ITGB3BP: variants seen among roughly 807,000 people sequenced by gnomAD.
ITGB3BP encodes the protein integrin subunit beta 3 binding protein, also known as centromere protein R.
A neutral mutation model predicts 29.1 loss-of-function variants in ITGB3BP; 27 were observed. The ratio of observed to expected loss-of-function variants is 0.93; its 90% CI spans 0.68 to 1.28. ITGB3BP has a LOEUF of 1.28. ITGB3BP is among the 50% of genes most tolerant of loss of function. The pLI is 0.00. For synonymous variants in ITGB3BP, 61 were observed against 61.4 expected, an observed-to-expected ratio of 0.99 and a Z score of 0.03; for missense variants, 192 against 200.2, an observed-to-expected ratio of 0.96 and a Z score of 0.25.
At chr1:63,504,680 C>T (rs1194196769) in intron 2 of ITGB3BP, among the ~76,000 whole-genome samples, 8 of 152,092 alleles carry the variant, frequency 5.3e-5, no homozygotes, top group Non-Finnish European at 8.8e-5. Flanking sequence ...TTTTGAGATA[C>T]GTCCCATCGA....
chr1:63,504,425 G>T (rs1180437665), intron 2 of ITGB3BP, among the ~76,000 whole-genome samples: 3 of 151,904 alleles, frequency 2.0e-5, no homozygotes, highest in Non-Finnish European at 2.9e-5. Flanking sequence ...AGACGATGGG[G>T]TTTTCTAGAT....
At chr1:63,509,618 A>G (rs1646154509) in intron 1 of ITGB3BP, among the ~76,000 whole-genome samples, 1 of 152,184 alleles carries the variant, frequency 6.6e-6, no homozygotes. Context: ...CAGTAAATAT[A>G]CAGTACAGAA....
intron 1 of ITGB3BP, among the ~76,000 whole-genome samples, chr1:63,522,017 T>G (rs1646460982): frequency 6.6e-6 from 1 of 152,224 alleles, no homozygotes; most frequent in South Asian, 2.1e-4. Context: ...CTTTGCTTAA[T>G]TCTGGGGAAA....
At chr1:63,484,486 TATA>T (rs989906832) in intron 3 of ITGB3BP, among the ~76,000 whole-genome samples, 5 of 152,164 alleles carry the variant, frequency 3.3e-5, no homozygotes, top group Non-Finnish European at 7.4e-5. Context: ...TACTTTCCAT[TATA>T]ATTTTTCTGA....
chr1:63,519,032 A>G (rs1646395074), intron 1 of ITGB3BP, among the ~76,000 whole-genome samples: 1 of 152,130 alleles, frequency 6.6e-6, no homozygotes, highest in Non-Finnish European at 1.5e-5. Flanking sequence ...GGTATCATAT[A>G]TATTATGTCT....
intron 8 of ITGB3BP, among the ~76,000 whole-genome samples, chr1:63,442,321 C>T (rs1366766700): frequency 2.6e-5 from 4 of 152,188 alleles, no homozygotes; most frequent in Non-Finnish European, 5.9e-5. Context: ...AGTAACATTA[C>T]ACAAATTCTT....
Position 63,453,922 on chromosome 1 carries a change from G to T in ITGB3BP, c.480C>A (p.His160Gln). ...KLFEKSTGLP[H>Q]KASRHLDSYE... Reference sequence around the variant, plus strand: ...AACTAAAACACAACTACTTACCTTTGTGAGGAAGTCCTGTACTCTTTTCAA... The same window carrying T: ...AACTAAAACACAACTACTTACCTTTTTGAGGAAGTCCTGTACTCTTTTCAA... Residue 160 changes from histidine (H) to glutamine (Q), a missense_variant, in exon 7 of 9, where the codon CAC becomes CAA. His to Gln is a conservative substitution (Grantham distance 24). Coordinates refer to ENST00000271002, the MANE Select transcript of ITGB3BP (RefSeq NM_014288.5). 6.4e-7 allele frequency: 1 copy of T among 1,574,014 alleles called. No individual in the cohort carries two copies. The highest frequency in any genetic ancestry group is 8.7e-7 in the Non-Finnish European group (1 of 1,149,824).
At chr1:63,513,188 T>C (rs1234629900) in intron 1 of ITGB3BP, among the ~76,000 whole-genome samples, 1 of 152,242 alleles carries the variant, frequency 6.6e-6, no homozygotes, top group Non-Finnish European at 1.5e-5. Context: ...AAAGAGCCAC[T>C]AATGATCATT....
At chr1:63,452,624 CTTTTCTTTCT>C (rs1644876673) in intron 7 of ITGB3BP, among the ~76,000 whole-genome samples, 1 of 52,096 alleles carries the variant, frequency 1.9e-5, no homozygotes, top group Admixed American at 3.5e-4. Context: ...TTTTCTTTTT[CTTTTCTTTCT>C]TTTTTTTTTT....
At chr1:63,464,532 C>T (rs955427850) in intron 4 of ITGB3BP, among the ~76,000 whole-genome samples, 1 of 152,058 alleles carries the variant, frequency 6.6e-6, no homozygotes, top group Non-Finnish European at 1.5e-5. Context: ...AGAAGGTCAA[C>T]TAATAAATAT....
chr1:63,527,928 T>G (rs1178612636), upstream of ITGB3BP: 1 of 152,174 alleles, frequency 6.6e-6, no homozygotes. Context: ...CATGTGGACT[T>G]CAAATGCTGG....
At chr1:63,521,199 A>C (rs1431609219) in intron 1 of ITGB3BP, among the ~76,000 whole-genome samples, 3 of 152,026 alleles carry the variant, frequency 2.0e-5, no homozygotes, top group African/African-American at 4.8e-5. Flanking sequence ...CCACCTGCAT[A>C]TGTAACTTGC....
At chr1:63,493,092 G>A (rs79324597) in intron 2 of ITGB3BP, among the ~76,000 whole-genome samples, 1,319 of 55,758 alleles carry the variant, frequency 0.024, 9 homozygotes, top group African/African-American at 0.028. Context: ...ACACACACGC[G>A]CGCGCGCGCA....
intron 2 of ITGB3BP, among the ~76,000 whole-genome samples, chr1:63,504,121 A>G (rs1182148031): frequency 2.2e-4 from 34 of 151,498 alleles, no homozygotes; most frequent in Admixed American, 2.0e-3. Flanking sequence ...CCATTTTCAC[A>G]ATATTGATTC....
At chr1:63,449,591 G>A (rs1288965255) in intron 7 of ITGB3BP, 3 of 152,694 alleles carry the variant, frequency 2.0e-5, no homozygotes, top group African/African-American at 7.2e-5. Flanking sequence ...ATTATTAATA[G>A]GAAAGGTTAT....
intron 2 of ITGB3BP, among the ~76,000 whole-genome samples, chr1:63,504,314 T>C (rs1035841224): frequency 6.6e-6 from 1 of 151,950 alleles, no homozygotes; most frequent in Non-Finnish European, 1.5e-5. Flanking sequence ...GCTCTGTTTG[T>C]CTGTTATTGG....
At chr1:63,518,207 A>C (rs182033140) in intron 1 of ITGB3BP, among the ~76,000 whole-genome samples, 1 of 152,096 alleles carries the variant, frequency 6.6e-6, no homozygotes, top group African/African-American at 2.4e-5. Flanking sequence ...TGAGGGTTTT[A>C]TTTTCTCACG....
chr1:63,510,313 C>A, intron 1 of ITGB3BP: 1 of 383,642 alleles, frequency 2.6e-6, no homozygotes, highest in Non-Finnish European at 4.6e-6. Context: ...CATATTCCAT[C>A]CTGATATTAA....
intron 4 of ITGB3BP, among the ~76,000 whole-genome samples, chr1:63,459,020 A>T (rs912312743): frequency 6.6e-5 from 10 of 152,132 alleles, no homozygotes; most frequent in African/African-American, 2.4e-4. Context: ...TCTCACATGT[A>T]ACCCTGGATG....
Sources: allele counts gnomAD v4.1 joint callset (sites outside exome capture counted in the v4.1 genomes callset), GRCh38; gene constraint gnomAD v4.1.1; transcripts MANE v1.5; gene names NCBI Gene and HGNC (gene_info 2026-07-23, HGNC 2026-07-21).